The following SGCD variants were observed in gnomAD, a reference collection of about 807,000 sequenced individuals.
The protein encoded by SGCD is delta-sarcoglycan.
Under a neutral mutation model 36.6 loss-of-function variants are expected in SGCD, and 18 were observed. The observed-to-expected ratio is 0.49, with a 90% CI of 0.34 to 0.73. SGCD has a LOEUF of 0.73. Among genes scored for constraint, SGCD ranks in the 30% least tolerant of loss-of-function variants. The pLI, the probability that SGCD is intolerant of heterozygous loss-of-function variation, is 0.01. For synonymous variants in SGCD, 133 were observed against 130.6 expected, an observed-to-expected ratio of 1.02 and a Z score of -0.12; for missense variants, 387 against 346.7, an observed-to-expected ratio of 1.12 and a Z score of -0.92.
intron 4 of SGCD, among the ~76,000 whole-genome samples, chr5:156,512,927 T>A (rs954822203): frequency 9.7e-5 from 14 of 144,624 alleles, no homozygotes; most frequent in African/African-American, 3.6e-4. Context: ...AAGAGTACGA[T>A]TTTTTTTTTT....
At chr5:156,272,365 T>C (rs1412239641) in intron 3 of SGCD, among the ~76,000 whole-genome samples, 1 of 152,240 alleles carries the variant, frequency 6.6e-6, no homozygotes, top group Non-Finnish European at 1.5e-5. Flanking sequence ...TTCCTTTCTA[T>C]GGCAGAGAAA....
intron 3 of SGCD, among the ~76,000 whole-genome samples, chr5:156,219,228 A>T (rs1764657049): frequency 6.6e-6 from 1 of 152,226 alleles, no homozygotes; most frequent in African/African-American, 2.4e-5. Flanking sequence ...AAGAATATTC[A>T]CATTCATTCA....
intron 4 of SGCD, among the ~76,000 whole-genome samples, chr5:156,550,854 G>C (rs1758764425): frequency 2.0e-5 from 3 of 152,170 alleles, no homozygotes; most frequent in African/African-American, 4.8e-5. Flanking sequence ...ATAGTGAAGG[G>C]CTTAGGAATA....
chr5:156,024,116 G>A (rs888775636), intron 1 of SGCD, among the ~76,000 whole-genome samples: 34 of 152,062 alleles, frequency 2.2e-4, no homozygotes, highest in African/African-American at 7.7e-4. Context: ...CGTAAGTATC[G>A]GAAGGTATAG....
chr5:156,479,929 A>AT (rs146562335), intron 3 of SGCD, among the ~76,000 whole-genome samples: 1,562 of 152,318 alleles, frequency 0.01, 25 homozygotes, highest in African/African-American at 0.036. Flanking sequence ...AGTTGCTACA[A>AT]TTTCAAACCA....
At chr5:156,383,900 G>C (rs1771130146) in intron 3 of SGCD, among the ~76,000 whole-genome samples, 1 of 152,162 alleles carries the variant, frequency 6.6e-6, no homozygotes, top group African/African-American at 2.4e-5. Flanking sequence ...ATAATGAAAT[G>C]CCAGAATCAT....
At chr5:156,739,077 A>ATTTCCC (rs1221345980) in intron 7 of SGCD, among the ~76,000 whole-genome samples, 2 of 152,232 alleles carry the variant, frequency 1.3e-5, no homozygotes, top group African/African-American at 4.8e-5. Flanking sequence ...AGAGGGGGAA[A>ATTTCCC]CATCTAAAAG....
At chr5:155,941,958 A>C (rs1757335186) in intron 1 of SGCD, among the ~76,000 whole-genome samples, 1 of 152,208 alleles carries the variant, frequency 6.6e-6, no homozygotes, top group South Asian at 2.1e-4. Context: ...AGAGAAGGTC[A>C]CCCATTATTA....
chr5:155,818,017 A>G, the SGCD span, among the ~76,000 whole-genome samples: 1 of 152,328 alleles, frequency 6.6e-6, no homozygotes, highest in East Asian at 1.9e-4. Flanking sequence ...CATGCAGAAT[A>G]TATTTTTTCC....
At chr5:156,406,817 T>TACAC (rs1397848849) in intron 3 of SGCD, among the ~76,000 whole-genome samples, 4 of 113,804 alleles carry the variant, frequency 3.5e-5, no homozygotes, top group Non-Finnish European at 5.2e-5. Flanking sequence ...TATATATATA[T>TACAC]ATACACACAC....
chr5:156,082,994 T>A (rs1760999202), intron 1 of SGCD, among the ~76,000 whole-genome samples: 1 of 152,200 alleles, frequency 6.6e-6, no homozygotes, highest in Non-Finnish European at 1.5e-5. Flanking sequence ...ATTGTAGTTT[T>A]AATTTGCATT....
At chr5:156,605,350 T>G (rs1301452778) in intron 6 of SGCD, among the ~76,000 whole-genome samples, 5 of 152,228 alleles carry the variant, frequency 3.3e-5, no homozygotes, top group Non-Finnish European at 5.9e-5. Flanking sequence ...GGTTTCCAGC[T>G]TCATCCATGT....
chr5:155,741,970 C>G, the SGCD span, among the ~76,000 whole-genome samples: 17 of 152,136 alleles, frequency 1.1e-4, no homozygotes, highest in Admixed American at 3.9e-4. Flanking sequence ...CAGGCGTGAG[C>G]CACTGTGCCT....
chr5:156,286,144 G>T (rs1449153425), intron 3 of SGCD, among the ~76,000 whole-genome samples: 1 of 152,170 alleles, frequency 6.6e-6, no homozygotes, highest in African/African-American at 2.4e-5. Flanking sequence ...ACACCAGTTA[G>T]AATGGTGATC....
intron 3 of SGCD, among the ~76,000 whole-genome samples, chr5:156,399,255 A>C (rs1772018979): frequency 1.3e-5 from 2 of 152,208 alleles, no homozygotes; most frequent in Non-Finnish European, 2.9e-5. Context: ...ATACTCAAAG[A>C]GCTCATTGTT....
In SGCD at chr5:156,602,152, G is replaced by T. The variant is rs182248350; in HGVS notation, c.502+7101G>T. On this transcript the variant is annotated intron_variant, in intron 6 of 8. Transcript: ENST00000337851. ...AATGTTGTATAGTTTTCAGTATAGA[G>T]ATCTTTTCACCTCCTTGCTTAAGTT... Among the ~76,000 whole-genome samples the T allele has an allele frequency of 4.0e-5, 6 of 150,048 alleles. No individual in the cohort carries two copies. In the East Asian group the frequency reaches 1.2e-3, roughly 29 times the overall value.
intron 4 of SGCD, among the ~76,000 whole-genome samples, chr5:156,564,470 A>G (rs1439416677): frequency 6.6e-6 from 1 of 152,230 alleles, no homozygotes; most frequent in African/African-American, 2.4e-5. Context: ...AAAACAAAAC[A>G]ATTTAATTTA....
chr5:156,210,650 A>C (rs1024109840), intron 3 of SGCD, among the ~76,000 whole-genome samples: 1 of 152,096 alleles, frequency 6.6e-6, no homozygotes, highest in African/African-American at 2.4e-5. Context: ...CCTGGGACTG[A>C]AAAATATAAT....
the SGCD span, among the ~76,000 whole-genome samples, chr5:155,732,998 G>A: frequency 1.4e-5 from 2 of 142,456 alleles, no homozygotes; most frequent in Non-Finnish European, 3.0e-5. Flanking sequence ...CAATCACAGT[G>A]ATGTTTGTTA....
Sources: allele counts gnomAD v4.1 joint callset (sites outside exome capture counted in the v4.1 genomes callset), GRCh38; gene constraint gnomAD v4.1.1; transcripts MANE v1.5; gene names NCBI Gene and HGNC (gene_info 2026-07-23, HGNC 2026-07-21).